Variants in HOOK1 observed in about 807,000 individuals in gnomAD.
HOOK1 encodes hook microtubule tethering protein 1.
HOOK1 carries 60 observed loss-of-function variants against 112.8 expected under a neutral mutation model. That is an observed-to-expected ratio of 0.53 (90% CI 0.43 to 0.66). The LOEUF (loss-of-function observed/expected upper bound fraction) is 0.66, where lower values mean the gene tolerates loss of function less well. Ranked by LOEUF, HOOK1 falls within the 30% of genes least tolerant of loss-of-function variation. The pLI is 0.00. For synonymous variants in HOOK1, 294 were observed against 283.8 expected (o/e 1.04, Z -0.36); for missense variants, 770 against 856.0 (o/e 0.90, Z 1.25).
chr1:59,849,683 C>G (rs1284849677), intron 12 of HOOK1, among the ~76,000 whole-genome samples: 1 of 151,648 alleles, frequency 6.6e-6, no homozygotes, highest in Non-Finnish European at 1.5e-5. Context: ...AACTGTTAAT[C>G]TACTTGCTAT....
intron 2 of HOOK1, among the ~76,000 whole-genome samples, chr1:59,826,138 G>T (rs1443586517): frequency 6.6e-6 from 1 of 152,040 alleles, no homozygotes; most frequent in Non-Finnish European, 1.5e-5. Context: ...TAAATACACC[G>T]GATGGAGTTA....
chr1:59,815,748 A>G (rs2098380914), intron 1 of HOOK1, among the ~76,000 whole-genome samples: 2 of 151,740 alleles, frequency 1.3e-5, no homozygotes, highest in African/African-American at 4.8e-5. Context: ...AGATGTTTGT[A>G]TTTCCCGTAT....
At chr1:59,821,695 T>C (rs2098385760) in intron 1 of HOOK1, among the ~76,000 whole-genome samples, 163 bp from the exon 2 acceptor site, 1 of 152,200 alleles carries the variant, frequency 6.6e-6, no homozygotes, top group Non-Finnish European at 1.5e-5. Flanking sequence ...TAGAGACATA[T>C]TAGCATAGTT....
rs1185627045 is a variant in HOOK1 at position 59,854,099 on chromosome 1, T to G, written c.1243-4329T>G. Among the ~76,000 whole-genome samples the G allele has an allele frequency of 5.6e-5, 7 of 125,354 alleles. No individual in the cohort carries two copies. The East Asian group carries it at 2.0e-3, about 36-fold the overall frequency. 82.2% of individuals were successfully genotyped at this position (125,354 alleles called of 152,430 possible). Reference sequence around the variant, plus strand: ...CGGAGTCTCCCTCTGTTGCCCAGGCTGGAGTGCAGTGACACGATTTTGGCT... The same window carrying G: ...CGGAGTCTCCCTCTGTTGCCCAGGCGGGAGTGCAGTGACACGATTTTGGCT... On this transcript the variant is annotated intron_variant, in intron 12 of 21. Transcript: ENST00000371208.
intron 3 of HOOK1, among the ~76,000 whole-genome samples, chr1:59,831,861 A>G (rs1266451461): frequency 6.6e-6 from 1 of 152,204 alleles, no homozygotes; most frequent in Non-Finnish European, 1.5e-5. Flanking sequence ...TAGTGACAGG[A>G]GAGAAAATCA....
rs776229061 is a variant in HOOK1 at position 59,848,315 on chromosome 1, G to A, written c.930G>A (p.Arg310=). The part of the protein sequence containing the change: ...RALKDEIDVL[R]ATSDKANKLE... ...TAATGCTTAGTCTTTATGATTATAG[G>A]GCTACCTCTGATAAAGCAAATAAAC... Residue 310 remains arginine (R), a splice_region_variant and synonymous_variant, in exon 11 of 22, where the codon AGG becomes AGA. Coordinates refer to ENST00000371208, the MANE Select transcript of HOOK1 (RefSeq NM_015888.6). The A allele has an allele frequency of 6.2e-7, 1 of 1,607,020 alleles. No homozygotes were observed. Among genetic ancestry groups the A allele is most frequent in the Admixed American group, 1.7e-5 (1 of 59,724 alleles).
chr1:59,831,607 T>G (rs1017639200), intron 3 of HOOK1, among the ~76,000 whole-genome samples: 4 of 152,202 alleles, frequency 2.6e-5, no homozygotes, highest in Non-Finnish European at 2.9e-5. Flanking sequence ...AAATTCAAAC[T>G]GCCCAGGCCT....
At chr1:59,848,804 C>T (rs904684496) in intron 11 of HOOK1, among the ~76,000 whole-genome samples, 2 of 151,370 alleles carry the variant, frequency 1.3e-5, no homozygotes, top group South Asian at 2.1e-4. Context: ...AGAATGGAGC[C>T]GTAACCTAAA....
At chr1:59,847,693 C>T (rs1372268855) in intron 10 of HOOK1, among the ~76,000 whole-genome samples, 1 of 151,360 alleles carries the variant, frequency 6.6e-6, no homozygotes. Context: ...TCCACGTGAT[C>T]TTTATTTTTT....
chr1:59,853,863 C>G (rs1256426016), intron 12 of HOOK1, among the ~76,000 whole-genome samples: 1 of 150,874 alleles, frequency 6.6e-6, no homozygotes, highest in African/African-American at 2.4e-5. Context: ...AAAATAAAAA[C>G]TTTTCCTCCC....
At chr1:59,847,445 TA>T (rs1162490964) in intron 10 of HOOK1, among the ~76,000 whole-genome samples, 1 of 151,630 alleles carries the variant, frequency 6.6e-6, no homozygotes, top group East Asian at 1.9e-4. Context: ...TAAAATTTTA[TA>T]AATGGAGTAC....
Position 59,836,919 on chromosome 1 carries a change from G to C in HOOK1, c.521G>C (p.Gly174Ala). 3 of 1,596,612 alleles carry C rather than the reference G, an allele frequency of 1.9e-6. No individual in the cohort carries two copies. The highest frequency in any genetic ancestry group is 2.6e-6 in the Non-Finnish European group (3 of 1,167,470). Reference sequence around the variant, plus strand: ...AGCTCTCCTCCAAATGATGCTGTTGGAGAATTGGAGCAACAGGTGAGTATT... The same window carrying C: ...AGCTCTCCTCCAAATGATGCTGTTGCAGAATTGGAGCAACAGGTGAGTATT... Reference protein sequence around the residue: ...ILSSPPNDAVGELEQQLKRAL... With the variant: ...ILSSPPNDAVAELEQQLKRAL... Residue 174 changes from glycine (G) to alanine (A), a missense_variant, in exon 7 of 22, where the codon GGA becomes GCA. Gly to Ala is a moderately conservative substitution (Grantham distance 60). This residue lies in a region of HOOK1 where 655 missense variants were observed against 725.9 expected (regional missense o/e 0.90). Transcript: ENST00000371208.
chr1:59,871,510 A>C (rs1167552887), intron 21 of HOOK1, among the ~76,000 whole-genome samples: 2 of 152,224 alleles, frequency 1.3e-5, no homozygotes, highest in Admixed American at 1.3e-4. Context: ...ATTTATTTTA[A>C]CATCCTCTAA....
At chr1:59,829,081 AG>A (rs1309431428) in intron 3 of HOOK1, among the ~76,000 whole-genome samples, 1 of 152,090 alleles carries the variant, frequency 6.6e-6, no homozygotes, top group Non-Finnish European at 1.5e-5. Flanking sequence ...CCCTACCCCC[AG>A]CCTTGCCCTA....
rs2098380040 is a variant in HOOK1, at chr1:59,815,028, GC to G, written c.-89del. 2 of 1,329,614 alleles carry G rather than the reference GC, an allele frequency of 1.5e-6. No individual in the cohort carries two copies. Among genetic ancestry groups the G allele is most frequent in the Middle Eastern group, 1.8e-4 (1 of 5,536 alleles). 82.4% of individuals were successfully genotyped at this position (1,329,614 alleles called of 1,614,324 possible). ...GGCCTGGTACCGAGCTTTCCTGGGG[GC>G]TAGCAGGTCGTGGACGCCGGCTCCT... On this transcript the variant is annotated 5_prime_UTR_variant, in exon 1 of 22. Transcript: ENST00000371208.
Position 59,873,725 on chromosome 1 carries a change from C to CTATATATATATATA in HOOK1, c.*787_*800dup, listed in dbSNP as rs58867974. ...AGGTGACTTTCTGATGGAAAGCAAGCTATATATATATATATATATATATAT... is the reference window on the plus strand; with the variant it reads ...AGGTGACTTTCTGATGGAAAGCAAGCTATATATATATATATATATATATATATATATATATATAT... On this transcript the variant is annotated 3_prime_UTR_variant, in exon 22 of 22. Transcript: ENST00000371208. 1.4e-4 allele frequency: 8 copies of CTATATATATATATA among 56,224 alleles called. No homozygotes were observed. Among genetic ancestry groups the CTATATATATATATA allele is most frequent in the Admixed American group, 2.2e-4 (1 of 4,586 alleles). The allele number at this position is 56,224 out of a possible 1,614,324, so 3.5% of individuals were successfully genotyped here.
chr1:59,875,628 C>A lies in HOOK1; in HGVS notation c.*2663C>A, dbSNP rs1481683360. 7 of 152,170 alleles carry A rather than the reference C, an allele frequency of 4.6e-5. No homozygotes were observed. Among genetic ancestry groups the A allele is most frequent in the Non-Finnish European group, 1.0e-4 (7 of 67,990 alleles). 9.4% of individuals were successfully genotyped at this position (152,170 alleles called of 1,614,324 possible). ...GTCTATTTGATAAGGAATTAAATGT[C>A]CTAGTGATTATAAAGTAAAACCACA... On this transcript the variant is annotated 3_prime_UTR_variant, in exon 22 of 22. Transcript: ENST00000371208.
chr1:59,820,577 A>G (rs767672134), intron 1 of HOOK1, among the ~76,000 whole-genome samples: 2 of 151,976 alleles, frequency 1.3e-5, no homozygotes, highest in African/African-American at 4.8e-5. Flanking sequence ...CTATTTCTTT[A>G]CTTAGAAAAT....
intron 9 of HOOK1, 51 bp from the exon 10 acceptor site, chr1:59,846,994 A>G (rs1466007576): frequency 6.9e-7 from 1 of 1,455,126 alleles, no homozygotes; most frequent in Admixed American, 2.3e-5. Flanking sequence ...CAATTATATA[A>G]TTATAACAAA....
Sources: allele counts gnomAD v4.1 joint callset (sites outside exome capture counted in the v4.1 genomes callset), GRCh38; gene constraint gnomAD v4.1.1; regional missense constraint gnomAD v4.1.1; transcripts MANE v1.5; gene names NCBI Gene and HGNC (gene_info 2026-07-23, HGNC 2026-07-21).